Variants in NAV3 observed in about 807,000 individuals in gnomAD.
NAV3 encodes pore membrane and/or filament interacting like protein 1.
A neutral mutation model predicts 244.7 loss-of-function variants in NAV3; 87 were observed. That is an observed-to-expected ratio of 0.36 (90% CI 0.30 to 0.42). The LOEUF is 0.42. Ranked by LOEUF, NAV3 falls within the 20% of genes least tolerant of loss-of-function variation. NAV3 has a pLI of 1.00. For synonymous variants in NAV3, 1,126 were observed against 1,042.2 expected, an observed-to-expected ratio of 1.08 and a Z score of -1.55; for missense variants, 2,663 against 2,893.3, an observed-to-expected ratio of 0.92 and a Z score of 1.83.
intron 1 of NAV3, among the ~76,000 whole-genome samples, chr12:77,867,343 G>A (rs1277982471): frequency 6.6e-6 from 1 of 152,144 alleles, no homozygotes; most frequent in Non-Finnish European, 1.5e-5. Context: ...CCCCAGCCAC[G>A]TGGAACTGTG....
chr12:77,872,389 G>A (rs1196133943), intron 1 of NAV3, among the ~76,000 whole-genome samples: 1 of 152,148 alleles, frequency 6.6e-6, no homozygotes, highest in Non-Finnish European at 1.5e-5. Context: ...GAAGTGCTAT[G>A]CTTCTGAAAA....
chr12:77,973,216 G>A (rs1162236811), intron 5 of NAV3, among the ~76,000 whole-genome samples: 27 of 152,022 alleles, frequency 1.8e-4, no homozygotes, highest in Admixed American at 1.6e-3. Flanking sequence ...CCAACTCACA[G>A]ATAGTGGTTA....
At chr12:77,761,184 G>A (rs780457770) in intron 2 of NAV3, among the ~76,000 whole-genome samples, 1 of 152,018 alleles carries the variant, frequency 6.6e-6, no homozygotes, top group Admixed American at 6.6e-5. Flanking sequence ...TCAGCCTCCC[G>A]AGTAGCTGGG....
chr12:77,776,313 C>T (rs1171414998), intron 2 of NAV3, among the ~76,000 whole-genome samples: 1 of 152,192 alleles, frequency 6.6e-6, no homozygotes, highest in Non-Finnish European at 1.5e-5. Flanking sequence ...ATATATCCCA[C>T]ATGAAAACTT....
intron 2 of NAV3, among the ~76,000 whole-genome samples, chr12:77,599,288 T>A (rs1286220508): frequency 6.6e-6 from 1 of 152,070 alleles, no homozygotes; most frequent in Non-Finnish European, 1.5e-5. Flanking sequence ...ATTCAGATGA[T>A]CTTGAATTAT....
At chr12:78,010,844 A>T (rs1483335252) in intron 8 of NAV3, 1 of 152,090 alleles carries the variant, frequency 6.6e-6, no homozygotes, top group East Asian at 1.9e-4. Flanking sequence ...ATTCTAGGTC[A>T]GTACTTATTC....
At chr12:77,625,748 C>T (rs766183960) in intron 2 of NAV3, among the ~76,000 whole-genome samples, 15 of 152,158 alleles carry the variant, frequency 9.9e-5, no homozygotes, top group Non-Finnish European at 1.9e-4. Flanking sequence ...CTAATCAAAG[C>T]CAAAGTATCC....
At chr12:77,719,611 T>C (rs11837901) in intron 2 of NAV3, among the ~76,000 whole-genome samples, 3,883 of 152,246 alleles carry the variant, frequency 0.026, 94 homozygotes, top group African/African-American at 0.062. Flanking sequence ...GAGTTACATA[T>C]GTTCAACCCA....
At chr12:77,867,450 C>T (rs3934145) in intron 1 of NAV3, among the ~76,000 whole-genome samples, 29,812 of 151,976 alleles carry the variant, frequency 0.2, 3,256 homozygotes, top group South Asian at 0.26. Flanking sequence ...GACGGAGTCT[C>T]GCTCTGTCAC....
chr12:77,577,585 C>A (rs1206009640), intron 2 of NAV3, among the ~76,000 whole-genome samples: 1 of 152,006 alleles, frequency 6.6e-6, no homozygotes, highest in East Asian at 1.9e-4. Context: ...ATATAGTGAG[C>A]CTATATCTTC....
At chr12:77,961,726 G>T (rs946062421) in intron 3 of NAV3, among the ~76,000 whole-genome samples, 2 of 147,904 alleles carry the variant, frequency 1.4e-5, no homozygotes, top group African/African-American at 4.9e-5. Context: ...TTACATATAT[G>T]TAATATATGA....
At chr12:77,810,802 A>G (rs1405011931) in intron 2 of NAV3, among the ~76,000 whole-genome samples, 2 of 152,218 alleles carry the variant, frequency 1.3e-5, no homozygotes, top group East Asian at 3.8e-4. Flanking sequence ...AAATAAAAGT[A>G]AGCAAATATA....
chr12:77,979,613 T>G (rs1481280774), intron 5 of NAV3, among the ~76,000 whole-genome samples: 1 of 151,372 alleles, frequency 6.6e-6, no homozygotes, highest in African/African-American at 2.4e-5. Flanking sequence ...CACCTCTTTA[T>G]GTGCCCTTTT....
intron 2 of NAV3, among the ~76,000 whole-genome samples, chr12:77,809,515 G>C (rs1444187951): frequency 1.3e-5 from 2 of 152,166 alleles, no homozygotes; most frequent in South Asian, 2.1e-4. Flanking sequence ...TGTGCGTCCA[G>C]TCCCAATGAG....
intron 12 of NAV3, among the ~76,000 whole-genome samples, chr12:78,114,919 A>T (rs1302003250): frequency 6.6e-6 from 1 of 152,212 alleles, no homozygotes; most frequent in African/African-American, 2.4e-5. Context: ...CTAAAACTTC[A>T]AGCAAAATAC....
At chr12:77,576,256 G>A (rs1592466722) in intron 2 of NAV3, among the ~76,000 whole-genome samples, 1 of 152,160 alleles carries the variant, frequency 6.6e-6, no homozygotes, top group East Asian at 1.9e-4. Flanking sequence ...TATAGAAAAA[G>A]CCTATTATTT....
intron 2 of NAV3, among the ~76,000 whole-genome samples, chr12:77,634,306 C>A (rs748644283): frequency 6.6e-6 from 1 of 152,156 alleles, no homozygotes; most frequent in Non-Finnish European, 1.5e-5. Flanking sequence ...CACCAGCATT[C>A]ATTGCAGGCT....
chr12:78,046,954 C>G (rs957138395), intron 9 of NAV3, among the ~76,000 whole-genome samples: 2 of 152,130 alleles, frequency 1.3e-5, no homozygotes, highest in African/African-American at 4.8e-5. Flanking sequence ...GTTAGCTTTT[C>G]TTGTTGCATT....
At chr12:77,773,667 A>G (rs1870211126) in intron 2 of NAV3, among the ~76,000 whole-genome samples, 1 of 152,280 alleles carries the variant, frequency 6.6e-6, no homozygotes, top group Non-Finnish European at 1.5e-5. Context: ...AAAGAATGCT[A>G]TTGAGGAGTA....
Sources: gnomAD v4.1 joint callset for allele counts (sites outside exome capture counted in the v4.1 genomes callset) on GRCh38, gnomAD v4.1.1 for gene constraint, MANE v1.5 for transcripts, NCBI Gene and HGNC (gene_info 2026-07-23, HGNC 2026-07-21) for gene names.